Variants in SPOCK1 observed in about 807,000 individuals in gnomAD.
SPOCK1 encodes SPARC (osteonectin), cwcv and kazal like domains proteoglycan 1.
In SPOCK1, 23 loss-of-function variants were observed where a neutral mutation model predicts 55.3. The observed-to-expected ratio is 0.42, with a 90% CI of 0.30 to 0.59. The LOEUF is 0.59. SPOCK1 is among the 20% of genes least tolerant of loss of function. SPOCK1 has a pLI of 0.22. For missense variants in SPOCK1, 499 were observed against 552.5 expected, an observed-to-expected ratio of 0.90 and a Z score of 0.97; for synonymous variants, 226 against 221.0, an observed-to-expected ratio of 1.02 and a Z score of -0.20.
chr5:137,403,148 G>C (rs1752019244), intron 2 of SPOCK1, among the ~76,000 whole-genome samples: 1 of 152,198 alleles, frequency 6.6e-6, no homozygotes. Context: ...CAGAGAAAGA[G>C]ATAAAAGAGC....
At chr5:137,407,759 A>G (rs1038972215) in intron 2 of SPOCK1, among the ~76,000 whole-genome samples, 2 of 152,202 alleles carry the variant, frequency 1.3e-5, no homozygotes, top group Admixed American at 1.3e-4. Flanking sequence ...TCTGTAAGAA[A>G]ACACAAGCCA....
At chr5:137,134,558 C>T (rs1285056182) in intron 4 of SPOCK1, among the ~76,000 whole-genome samples, 1 of 152,156 alleles carries the variant, frequency 6.6e-6, no homozygotes, top group East Asian at 1.9e-4. Flanking sequence ...GGGGCATAAG[C>T]TACATAAATA....
chr5:137,311,114 G>C (rs1273634637), intron 2 of SPOCK1, among the ~76,000 whole-genome samples: 2 of 152,192 alleles, frequency 1.3e-5, no homozygotes, highest in Non-Finnish European at 2.9e-5. Flanking sequence ...CCACAAGGTA[G>C]AGCCTCTGAG....
chr5:137,358,578 G>A (rs1178641518), intron 2 of SPOCK1, among the ~76,000 whole-genome samples: 1 of 151,442 alleles, frequency 6.6e-6, no homozygotes, highest in Non-Finnish European at 1.5e-5. Context: ...GGAAGGGGAA[G>A]GGGGAGATAA....
intron 3 of SPOCK1, among the ~76,000 whole-genome samples, chr5:137,221,009 GA>G (rs1755837090): frequency 1.3e-5 from 2 of 152,200 alleles, no homozygotes; most frequent in African/African-American, 2.4e-5. Context: ...AACAGCCACA[GA>G]AACGTGGCCA....
At chr5:137,087,519 T>C (rs1006504964) in intron 5 of SPOCK1, among the ~76,000 whole-genome samples, 4 of 152,242 alleles carry the variant, frequency 2.6e-5, no homozygotes, top group Non-Finnish European at 5.9e-5. Context: ...ATCAAGTTCT[T>C]CACTAAAAGA....
chr5:137,319,814 G>A (rs976198281), intron 2 of SPOCK1, among the ~76,000 whole-genome samples: 2 of 151,688 alleles, frequency 1.3e-5, no homozygotes, highest in African/African-American at 2.4e-5. Context: ...GCGCGGTGGC[G>A]GGCGCCTGTA....
chr5:137,302,788 G>A lies in SPOCK1; in HGVS notation c.187-35733C>T, dbSNP rs537732616. Among the ~76,000 whole-genome samples, 14 of 152,156 alleles carry A rather than the reference G, an allele frequency of 9.2e-5. No homozygotes were observed. The East Asian group carries it at 1.5e-3, about 17-fold the overall frequency. On this transcript the variant is annotated intron_variant, in intron 2 of 10. Coordinates refer to ENST00000394945, the MANE Select transcript of SPOCK1 (RefSeq NM_004598.4). Reference sequence around the variant, plus strand: ...ATCCACGAGGACTTCCGGACTCAACGTTAAGAAACTCAAAATAGTACATCT... The same window carrying A: ...ATCCACGAGGACTTCCGGACTCAACATTAAGAAACTCAAAATAGTACATCT...
intron 2 of SPOCK1, among the ~76,000 whole-genome samples, chr5:137,340,735 G>A (rs2127155848): frequency 6.6e-6 from 1 of 152,244 alleles, no homozygotes; most frequent in South Asian, 2.1e-4. Context: ...ACAAAAATTA[G>A]CTGGGCGTGG....
intron 2 of SPOCK1, among the ~76,000 whole-genome samples, chr5:137,476,424 G>A (rs1753839260): frequency 6.6e-6 from 1 of 152,196 alleles, no homozygotes; most frequent in Non-Finnish European, 1.5e-5. Flanking sequence ...AAAAGAAAAA[G>A]TCAGCATTGT....
chr5:137,438,922 C>T (rs746304972), intron 2 of SPOCK1, among the ~76,000 whole-genome samples: 4 of 152,136 alleles, frequency 2.6e-5, no homozygotes, highest in Non-Finnish European at 2.9e-5. Flanking sequence ...CATTTGGGTT[C>T]GTTAGGCAGG....
At chr5:137,049,456 T>G (rs1362505400) in intron 6 of SPOCK1, among the ~76,000 whole-genome samples, 1 of 102,554 alleles carries the variant, frequency 9.8e-6, no homozygotes, top group Non-Finnish European at 1.9e-5. Context: ...TTCTGCATTC[T>G]TCACGTAGTT....
chr5:137,070,248 C>T (rs1752586365), intron 5 of SPOCK1, among the ~76,000 whole-genome samples: 1 of 152,192 alleles, frequency 6.6e-6, no homozygotes, highest in African/African-American at 2.4e-5. Flanking sequence ...GTGTTCTGAA[C>T]AGAGCCACAG....
chr5:137,096,728 T>C (rs1397677454), intron 5 of SPOCK1, among the ~76,000 whole-genome samples: 5 of 152,166 alleles, frequency 3.3e-5, no homozygotes. Context: ...AGTCATAGTA[T>C]CTTTTTAAAA....
intron 6 of SPOCK1, among the ~76,000 whole-genome samples, chr5:137,014,312 G>A (rs929240840): frequency 7.9e-5 from 12 of 152,138 alleles, no homozygotes; most frequent in African/African-American, 2.4e-4. Flanking sequence ...CTGCAGAATC[G>A]TGAGCCAACT....
intron 5 of SPOCK1, among the ~76,000 whole-genome samples, chr5:137,074,693 TTTGTTGTTGTTGTTG>T (rs59523966): frequency 6.7e-6 from 1 of 148,532 alleles, no homozygotes; most frequent in African/African-American, 2.5e-5. Context: ...ATTTTTGTAT[TTTGTTGTTGTTGTTG>T]TTGTTGTTGT....
intron 4 of SPOCK1, among the ~76,000 whole-genome samples, chr5:137,120,085 T>C (rs551316408): frequency 2.1e-4 from 32 of 152,226 alleles, no homozygotes; most frequent in Admixed American, 6.5e-4. Context: ...AGGGCATCCA[T>C]TGATTCAAGC....
At chr5:137,026,506 G>A (rs556679660) in intron 6 of SPOCK1, among the ~76,000 whole-genome samples, 4 of 152,260 alleles carry the variant, frequency 2.6e-5, no homozygotes, top group African/African-American at 9.6e-5. Flanking sequence ...ATTCTTCCCT[G>A]GGTCTCCAGC....
intron 3 of SPOCK1, among the ~76,000 whole-genome samples, chr5:137,159,106 AC>A (rs1415959353): frequency 6.6e-6 from 1 of 152,172 alleles, no homozygotes; most frequent in African/African-American, 2.4e-5. Context: ...GGAAGCAAAC[AC>A]AGCTACAAAG....
Sources: allele counts gnomAD v4.1 joint callset (sites outside exome capture counted in the v4.1 genomes callset), GRCh38; gene constraint gnomAD v4.1.1; transcripts MANE v1.5; gene names NCBI Gene and HGNC (gene_info 2026-07-23, HGNC 2026-07-21).